PCDHGA12: variants seen among roughly 807,000 people sequenced by gnomAD.
PCDHGA12 encodes the protein protocadherin gamma-A12.
In PCDHGA12, 43 loss-of-function variants were observed where a neutral mutation model predicts 61.1. The observed-to-expected ratio is 0.70, with a 90% confidence interval of 0.55 to 0.91. The LOEUF is 0.91. Ranked by LOEUF, PCDHGA12 falls within the 40% of genes least tolerant of loss-of-function variation. PCDHGA12 has a pLI of 0.00. For missense variants in PCDHGA12, 1,236 were observed against 1,227.7 expected, an observed-to-expected ratio of 1.01 and a Z score of -0.10; for synonymous variants, 520 against 542.9, an observed-to-expected ratio of 0.96 and a Z score of 0.59.
At chr5:141,466,054 G>A (rs2099115921) in intron 1 of PCDHGA12, among the ~76,000 whole-genome samples, 1 of 152,080 alleles carries the variant, frequency 6.6e-6, no homozygotes, top group Non-Finnish European at 1.5e-5. Context: ...CCCAGGAGAC[G>A]GAGCTTGCAG....
chr5:141,494,729 C>T (rs2099756368), intron 1 of PCDHGA12, 78 bp from the exon 2 acceptor site: 31 of 1,610,050 alleles, frequency 1.9e-5, no homozygotes, highest in Admixed American at 3.3e-5. Flanking sequence ...CCTTCTCTCC[C>T]GGCCCATCCC....
chr5:141,502,475 A>G (rs1246548191), intron 2 of PCDHGA12, among the ~76,000 whole-genome samples: 1 of 150,884 alleles, frequency 6.6e-6, no homozygotes, highest in Non-Finnish European at 1.5e-5. Context: ...TTCCCGCAGC[A>G]TCACACTGGG....
At chr5:141,444,834 A>G (rs892892307) in intron 1 of PCDHGA12, among the ~76,000 whole-genome samples, 1 of 152,132 alleles carries the variant, frequency 6.6e-6, no homozygotes, top group African/African-American at 2.4e-5. Context: ...TTGTAGCTTT[A>G]TAGTAAGTCT....
rs1308015959 is a variant in PCDHGA12, at chr5:141,482,105, AT to A, written c.2425-12701del. Among the ~76,000 whole-genome samples, 417 of 143,332 alleles carry A rather than the reference AT, an allele frequency of 2.9e-3. 1 individual carries two copies. The highest frequency in any genetic ancestry group is 0.011 in the African/African-American group (394 of 37,394). 94.0% of individuals were successfully genotyped at this position (143,332 alleles called of 152,430 possible). Reference sequence around the variant, plus strand: ...ACTCCATCTCAAAAAAAAAAAAAAAATATCTAGAGATGGGAGAATCATATGG... The same window carrying A: ...ACTCCATCTCAAAAAAAAAAAAAAAAATCTAGAGATGGGAGAATCATATGG... On this transcript the variant is annotated intron_variant, in intron 1 of 3. Coordinates refer to ENST00000252085, the MANE Select transcript of PCDHGA12 (RefSeq NM_003735.3).
Position 141,487,323 on chromosome 5 carries a change from G to T in PCDHGA12, c.2425-7484G>T. The T allele has an allele frequency of 6.2e-7, 1 of 1,614,100 alleles. No homozygotes were observed. The highest frequency in any genetic ancestry group is 8.5e-7 in the Non-Finnish European group (1 of 1,180,004). On this transcript the variant is annotated intron_variant, in intron 1 of 3. Coordinates refer to ENST00000252085, the MANE Select transcript of PCDHGA12 (RefSeq NM_003735.3). This position sits in a 1 kb window ranked among gnomAD's most constrained non-coding sequence, Gnocchi z 5.0. ...GTGGCACTACTCTCTAAGTGTCTTC[G>T]TGGGGCAGCCTGTGGAGTCACATGC... is the stretch of plus-strand genomic sequence containing the variant.
At chr5:141,466,034 A>T (rs189202430) in intron 1 of PCDHGA12, among the ~76,000 whole-genome samples, 1,557 of 152,178 alleles carry the variant, frequency 0.01, 35 homozygotes, top group African/African-American at 0.035. Flanking sequence ...AGGCAGGAGA[A>T]CGGCATGAAC....
At chr5:141,434,431 T>C (rs931458644) in intron 1 of PCDHGA12, among the ~76,000 whole-genome samples, 2 of 152,186 alleles carry the variant, frequency 1.3e-5, no homozygotes, top group African/African-American at 2.4e-5. Context: ...ATGATGGCCG[T>C]AATGCCCATG....
chr5:141,512,942 C>T lies in PCDHGA12; in HGVS notation c.*1769C>T, dbSNP rs1596321854. 3.3e-5 allele frequency: 5 copies of T among 151,644 alleles called. No individual in the cohort carries two copies. The South Asian group carries it at 1.0e-3, about 32-fold the overall frequency. The allele number at this position is 151,644 out of a possible 1,614,324, so 9.4% of individuals were successfully genotyped here. On this transcript the variant is annotated 3_prime_UTR_variant, in exon 4 of 4. Transcript: ENST00000252085. Reference sequence around the variant, plus strand: ...TAATATTTATATGGCTTTTTTTCTTCGACAAAAAAATAATAAAACGTTTCT... The same window carrying T: ...TAATATTTATATGGCTTTTTTTCTTTGACAAAAAAATAATAAAACGTTTCT...
intron 2 of PCDHGA12, among the ~76,000 whole-genome samples, chr5:141,495,193 T>C (rs1471524188): frequency 6.6e-6 from 1 of 152,192 alleles, no homozygotes; most frequent in Admixed American, 6.5e-5. Context: ...TCTATGCCCA[T>C]GTACTGCCTA....
At position 141,431,421 on chromosome 5, in the gene PCDHGA12, T is replaced by A. The variant is rs2097372202; in HGVS notation, c.662T>A (p.Val221Glu). The change falls in exon 1 of 4, where the codon GTG (valine) becomes GAG (glutamate). Residue 221 changes from valine (V) to glutamate (E), a missense_variant. Transcript: ENST00000252085. The surrounding 1 kb of genome is among the most constrained non-coding windows in gnomAD (Gnocchi z 4.8). ...VLTASDGGDP[V>E]RTGTARIRVM... The stretch of plus-strand genomic sequence containing the variant: ...ACGGCCTCCGACGGGGGCGACCCGG[T>A]GCGCACAGGCACCGCGCGCATCCGC... 1 of 1,613,580 alleles carries A rather than the reference T, an allele frequency of 6.2e-7. No individual in the cohort carries two copies. The highest frequency in any genetic ancestry group is 1.1e-5 in the South Asian group (1 of 91,082).
Position 141,511,656 on chromosome 5 carries a change from C to T in PCDHGA12, c.*483C>T, listed in dbSNP as rs2099883892. On this transcript the variant is annotated 3_prime_UTR_variant, in exon 4 of 4. Transcript: ENST00000252085. ...GGGCATCATGACCTCTTGGCCTCTC[C>T]TTTGATTCTCAATCTTCCCCCAAAG... is the stretch of plus-strand genomic sequence containing the variant. 4.9e-6 allele frequency: 1 copy of T among 206,024 alleles called. No individual in the cohort carries two copies. The highest frequency in any genetic ancestry group is 5.2e-5 in the Admixed American group (1 of 19,114). 12.8% of individuals were successfully genotyped at this position (206,024 alleles called of 1,614,324 possible).
chr5:141,436,240 G>A (rs192988618), intron 1 of PCDHGA12, among the ~76,000 whole-genome samples: 2 of 152,200 alleles, frequency 1.3e-5, no homozygotes, highest in East Asian at 3.9e-4. Flanking sequence ...AGCTAACATG[G>A]TCTAATTATT....
In PCDHGA12 at chr5:141,474,057, G is replaced by A. The variant is rs546654716; in HGVS notation, c.2425-20750G>A. Among the ~76,000 whole-genome samples, 3 of 152,192 alleles carry A rather than the reference G, an allele frequency of 2.0e-5. No homozygotes were observed. In the East Asian group the frequency reaches 5.8e-4, roughly 29 times the overall value. On this transcript the variant is annotated intron_variant, in intron 1 of 3. Transcript: ENST00000252085. ...TGTACTCCAGCCTGGATGACAGAGC[G>A]AGATCCTGCCTCAGAAACAAAAACC... is the stretch of plus-strand genomic sequence containing the variant.
At chr5:141,433,361 A>G (rs1208326325) in intron 1 of PCDHGA12, 178 bp downstream of exon 1, 15 of 297,508 alleles carry the variant, frequency 5.0e-5, no homozygotes, top group Non-Finnish European at 7.0e-5. Context: ...CTGTCTGCCT[A>G]TCTATCTATC....
At chr5:141,481,822 G>A (rs1017311512) in intron 1 of PCDHGA12, among the ~76,000 whole-genome samples, 12 of 151,620 alleles carry the variant, frequency 7.9e-5, no homozygotes, top group Non-Finnish European at 1.5e-4. Context: ...CGTGGTGGCT[G>A]AGGCAGGAGA....
rs1434955829 is a variant in PCDHGA12, at chr5:141,431,361, A to G, written c.602A>G (p.Asp201Gly). 3 of 1,614,002 alleles carry G rather than the reference A, an allele frequency of 1.9e-6. No homozygotes were observed. The highest frequency in any genetic ancestry group is 2.5e-6 in the Non-Finnish European group (3 of 1,180,034). The change falls in exon 1 of 4, where the codon GAC (aspartate) becomes GGC (glycine). Residue 201 changes from aspartate to glycine, a missense_variant. Transcript: ENST00000252085. The surrounding 1 kb of genome is among the most constrained non-coding windows in gnomAD (Gnocchi z 4.8). ...GAATTGGTGCTGAAACGCGCCCTGG[A>G]CCGCGAAGAAAAGGCTGCTCACCAC... ...YPELVLKRAL[D>G]REEKAAHHLV...
At chr5:141,460,435 A>G (rs1002182353) in intron 1 of PCDHGA12, among the ~76,000 whole-genome samples, 1 of 152,144 alleles carries the variant, frequency 6.6e-6, no homozygotes, top group Admixed American at 6.6e-5. Context: ...GTATGGTGTG[A>G]GGTAACAATG....
In PCDHGA12 at chr5:141,432,293, G is replaced by T. The variant is rs765631138; in HGVS notation, c.1534G>T (p.Gly512Trp). The part of the protein sequence containing the change: ...SSYVSINSDT[G>W]VLYALSSFDY... ...CTACGTGTCCATCAACTCCGACACT[G>T]GGGTACTGTATGCGCTGAGCTCCTT... Residue 512 changes from glycine to tryptophan, a missense_variant, in exon 1 of 4, where the codon GGG becomes TGG. By Grantham distance (184) the Gly-to-Trp change is radical (BLOSUM62 -2). Coordinates refer to ENST00000252085, the MANE Select transcript of PCDHGA12 (RefSeq NM_003735.3). The surrounding 1 kb of genome is among the most constrained non-coding windows in gnomAD (Gnocchi z 6.0). 1.2e-6 allele frequency: 2 copies of T among 1,614,136 alleles called. No individual in the cohort carries two copies. Among genetic ancestry groups the T allele is most frequent in the African/African-American group, 1.3e-5 (1 of 74,950 alleles).
At chr5:141,503,241 A>G (rs1399557839) in intron 2 of PCDHGA12, among the ~76,000 whole-genome samples, 1 of 152,074 alleles carries the variant, frequency 6.6e-6, no homozygotes, top group Non-Finnish European at 1.5e-5. Context: ...GACAGTTTCT[A>G]TCATACTCAC....
Sources: gnomAD v4.1 joint callset for allele counts (sites outside exome capture counted in the v4.1 genomes callset) on GRCh38, gnomAD v4.1.1 for gene constraint, Gnocchi (gnomAD v3.1) non-coding constraint, MANE v1.5 for transcripts, NCBI Gene and HGNC (gene_info 2026-07-23, HGNC 2026-07-21) for gene names.